DACH1: variants seen among roughly 807,000 people sequenced by gnomAD.
The protein encoded by DACH1 is dachshund family transcription factor 1.
Under a neutral mutation model 54.2 loss-of-function variants are expected in DACH1, and 12 were observed. The observed-to-expected ratio is 0.22, with a 90% confidence interval of 0.14 to 0.36. The LOEUF (loss-of-function observed/expected upper bound fraction) is 0.36, where lower values mean the gene tolerates loss of function less well. Ranked by LOEUF, DACH1 falls within the 10% of genes least tolerant of loss-of-function variation. The pLI, the probability that DACH1 is intolerant of heterozygous loss-of-function variation, is 1.00. For synonymous variants in DACH1, 386 were observed against 366.2 expected, an observed-to-expected ratio of 1.05 and a Z score of -0.62; for missense variants, 805 against 929.8, an observed-to-expected ratio of 0.87 and a Z score of 1.75.
At chr13:71,477,104 A>ATTTT (rs565497537) in intron 8 of DACH1, among the ~76,000 whole-genome samples, 3 of 43,254 alleles carry the variant, frequency 6.9e-5, no homozygotes, top group African/African-American at 2.6e-4. Context: ...ATATATATAT[A>ATTTT]TTTTTTTTTT....
chr13:71,597,838 C>T (rs984645060), intron 3 of DACH1, among the ~76,000 whole-genome samples: 34 of 152,020 alleles, frequency 2.2e-4, no homozygotes, highest in East Asian at 1.2e-3. Context: ...AAAGGCAGGC[C>T]GGGCAGGGTG....
At chr13:71,774,754 G>A (rs1885993336) in intron 1 of DACH1, among the ~76,000 whole-genome samples, 1 of 151,994 alleles carries the variant, frequency 6.6e-6, no homozygotes, top group Non-Finnish European at 1.5e-5. Context: ...TCCTCAAAAG[G>A]CACTATAATC....
At chr13:71,610,490 T>C (rs1370713073) in intron 3 of DACH1, among the ~76,000 whole-genome samples, 3 of 152,266 alleles carry the variant, frequency 2.0e-5, no homozygotes, top group Non-Finnish European at 4.4e-5. Flanking sequence ...CTACAAAGCA[T>C]CTCATAATTG....
chr13:71,696,722 T>C (rs1462431237), intron 1 of DACH1, among the ~76,000 whole-genome samples: 1 of 151,902 alleles, frequency 6.6e-6, no homozygotes. Flanking sequence ...TAATTTTGTG[T>C]TTTTAATAGA....
At chr13:71,641,174 GTAAA>G (rs1877870284) in intron 2 of DACH1, among the ~76,000 whole-genome samples, 1 of 151,978 alleles carries the variant, frequency 6.6e-6, no homozygotes, top group South Asian at 2.1e-4. Flanking sequence ...TTCTGATACA[GTAAA>G]TAAATGTTTT....
At chr13:71,836,525 G>GA (rs546554565) in intron 1 of DACH1, among the ~76,000 whole-genome samples, 20 of 151,624 alleles carry the variant, frequency 1.3e-4, no homozygotes, top group South Asian at 2.1e-4. Flanking sequence ...AGAATTGCAG[G>GA]AAAAAAAATG....
rs1359871128 is a variant in DACH1 at position 71,825,397 on chromosome 13, C to T, written c.848+40525G>A. ...AGTATATTTACAGGGCTATATATTA[C>T]CAAGTTCAATTTTATAATATGTTTG... On this transcript the variant is annotated intron_variant, in intron 1 of 10. Transcript: ENST00000613252. 2.0e-5 allele frequency among the ~76,000 whole-genome samples: 3 copies of T among 151,994 alleles called. No homozygotes were observed. The East Asian group carries it at 5.8e-4, about 29-fold the overall frequency.
intron 3 of DACH1, among the ~76,000 whole-genome samples, chr13:71,599,837 A>ACG (rs1401549637): frequency 4.0e-5 from 6 of 151,136 alleles, no homozygotes. Flanking sequence ...CTACACACAC[A>ACG]CACACACACA....
intron 1 of DACH1, among the ~76,000 whole-genome samples, chr13:71,718,349 C>T (rs79487726): frequency 6.6e-6 from 1 of 151,928 alleles, no homozygotes; most frequent in Non-Finnish European, 1.5e-5. Context: ...CTTTGGGAGG[C>T]CCAGGCAGAA....
chr13:71,500,039 G>GA (rs1482781217), intron 6 of DACH1, among the ~76,000 whole-genome samples: 9 of 147,148 alleles, frequency 6.1e-5, no homozygotes, highest in Admixed American at 6.8e-5. Context: ...ATTTCAGAAA[G>GA]AAAAAAAAAA....
At chr13:71,532,866 T>C (rs1882506323) in intron 6 of DACH1, among the ~76,000 whole-genome samples, 6 of 151,962 alleles carry the variant, frequency 3.9e-5, no homozygotes, top group Admixed American at 3.9e-4. Flanking sequence ...TCAAATAAAA[T>C]TTTCTAGTTA....
chr13:71,716,550 C>T (rs1221671002), intron 1 of DACH1, among the ~76,000 whole-genome samples: 3 of 152,044 alleles, frequency 2.0e-5, no homozygotes, highest in African/African-American at 7.2e-5. Context: ...AGCCCTACAC[C>T]AATTCTCACC....
At chr13:71,573,417 C>A (rs1179756118) in intron 3 of DACH1, 4 of 716,034 alleles carry the variant, frequency 5.6e-6, no homozygotes, top group Non-Finnish European at 1.0e-5. Context: ...TGCCATCGTA[C>A]CATTTGGCAG....
intron 6 of DACH1, among the ~76,000 whole-genome samples, chr13:71,522,983 A>T (rs1881711627): frequency 6.6e-6 from 1 of 152,132 alleles, no homozygotes; most frequent in South Asian, 2.1e-4. Context: ...GCAAGAATGC[A>T]TATGTTTATT....
intron 1 of DACH1, among the ~76,000 whole-genome samples, chr13:71,726,450 A>G (rs1373937029): frequency 6.6e-6 from 1 of 152,160 alleles, no homozygotes; most frequent in East Asian, 1.9e-4. Context: ...TCCAAATCAC[A>G]TGTGCATTTT....
intron 7 of DACH1, among the ~76,000 whole-genome samples, chr13:71,486,291 A>C (rs1878495962): frequency 6.6e-6 from 1 of 152,140 alleles, no homozygotes; most frequent in South Asian, 2.1e-4. Context: ...AACTTACTAC[A>C]CAAAAAGTAT....
At chr13:71,545,830 G>A (rs955004700) in intron 6 of DACH1, among the ~76,000 whole-genome samples, 2 of 151,914 alleles carry the variant, frequency 1.3e-5, no homozygotes, top group African/African-American at 4.8e-5. Flanking sequence ...CACAAATGAA[G>A]ACTAAACAAC....
At chr13:71,736,215 A>C (rs1008348648) in intron 1 of DACH1, among the ~76,000 whole-genome samples, 8 of 152,178 alleles carry the variant, frequency 5.3e-5, no homozygotes, top group Non-Finnish European at 1.2e-4. Flanking sequence ...AACAAATCTC[A>C]AAGTTAAGAG....
chr13:71,553,069 TATATATGTGGGATTAGACATATATCC>T lies in DACH1; in HGVS notation c.1570+3929_1570+3954del, dbSNP rs1416533042. On this transcript the variant is annotated intron_variant, in intron 6 of 10. Coordinates refer to ENST00000613252, the MANE Select transcript of DACH1 (RefSeq NM_080759.6). ...TGGTGGTGGGTGCTGTAATCCCATA[TATATATGTGGGATTAGACATATATCC>T]ATATATGTATATTAGACATATATCC... Among the ~76,000 whole-genome samples, 46 of 147,340 alleles carry T rather than the reference TATATATGTGGGATTAGACATATATCC, an allele frequency of 3.1e-4. 1 individual carries two copies. The highest frequency in any genetic ancestry group is 1.0e-3 in the African/African-American group (42 of 40,310).
Sources: allele counts gnomAD v4.1 joint callset (sites outside exome capture counted in the v4.1 genomes callset), GRCh38; gene constraint gnomAD v4.1.1; transcripts MANE v1.5; gene names NCBI Gene and HGNC (gene_info 2026-07-23, HGNC 2026-07-21).